TENM4: variants seen among roughly 807,000 people sequenced by gnomAD.
TENM4 encodes teneurin-4.
In TENM4, 82 loss-of-function variants were observed where a neutral mutation model predicts 243.3. The observed-to-expected ratio is 0.34, with a 90% confidence interval of 0.28 to 0.40. The LOEUF is 0.40. Among genes scored for constraint, TENM4 ranks in the 10% least tolerant of loss-of-function variants. The pLI, the probability that TENM4 is intolerant of heterozygous loss-of-function variation, is 1.00. For missense variants in TENM4, 3,138 were observed against 3,673.3 expected (o/e 0.85, Z 3.77); for synonymous variants, 1,412 against 1,456.3 (o/e 0.97, Z 0.69).
chr11:79,337,841 G>A (rs1359994346), intron 1 of TENM4, among the ~76,000 whole-genome samples: 2 of 152,190 alleles, frequency 1.3e-5, no homozygotes, highest in East Asian at 3.9e-4. Context: ...CAAGGACAGG[G>A]GCAAAGTGGG....
At chr11:78,970,281 C>A (rs559643722) in intron 6 of TENM4, among the ~76,000 whole-genome samples, 1 of 152,258 alleles carries the variant, frequency 6.6e-6, no homozygotes, top group East Asian at 1.9e-4. Flanking sequence ...TACTCAGAGT[C>A]TCAGCTCAGC....
At chr11:79,157,794 T>A (rs1309475443) in intron 3 of TENM4, among the ~76,000 whole-genome samples, 2 of 152,228 alleles carry the variant, frequency 1.3e-5, no homozygotes, top group African/African-American at 4.8e-5. Context: ...TGGTAAATTC[T>A]GTCTGTTGGT....
chr11:78,977,118 C>T lies in TENM4; in HGVS notation c.494-73595G>A, dbSNP rs142846422. Among the ~76,000 whole-genome samples the T allele has an allele frequency of 1.6e-3, 245 of 152,296 alleles. 1 individual carries two copies. Among genetic ancestry groups the T allele is most frequent in the Admixed American group, 0.015 (228 of 15,300 alleles). On this transcript the variant is annotated intron_variant, in intron 6 of 33. Transcript: ENST00000278550. ...GCCTCTTCCTAGCGCTAGTGGGTTGCTGTCATCTCTGGCATTCCCTGGCTT... is the reference window on the plus strand; with the variant it reads ...GCCTCTTCCTAGCGCTAGTGGGTTGTTGTCATCTCTGGCATTCCCTGGCTT...
chr11:79,042,923 C>T (rs180978867), intron 6 of TENM4, among the ~76,000 whole-genome samples: 1 of 152,246 alleles, frequency 6.6e-6, no homozygotes, highest in Admixed American at 6.5e-5. Context: ...AGTAGCTTTC[C>T]CTACCTACAG....
At chr11:78,887,324 C>T (rs564769952) in intron 9 of TENM4, among the ~76,000 whole-genome samples, 3 of 152,346 alleles carry the variant, frequency 2.0e-5, no homozygotes, top group African/African-American at 7.2e-5. Context: ...GCTCAAACAT[C>T]ACCTTTCCCA....
chr11:79,105,179 A>T (rs1272427342), intron 4 of TENM4, among the ~76,000 whole-genome samples: 1 of 152,208 alleles, frequency 6.6e-6, no homozygotes, highest in Admixed American at 6.5e-5. Flanking sequence ...CTCTCAACAT[A>T]TTTAATAGTT....
chr11:78,738,641 C>T (rs1036471836), intron 19 of TENM4, 71 bp from the exon 20 acceptor site: 29 of 1,526,766 alleles, frequency 1.9e-5, no homozygotes, highest in South Asian at 5.1e-5. Flanking sequence ...CAGGGAACCC[C>T]GAGAGGCCAG....
In TENM4 at chr11:79,275,118, C is replaced by T. The variant is rs566315433; in HGVS notation, c.-265+22370G>A. 3.3e-5 allele frequency among the ~76,000 whole-genome samples: 5 copies of T among 152,296 alleles called. No homozygotes were observed. The South Asian group carries it at 1.0e-3, about 32-fold the overall frequency. On this transcript the variant is annotated intron_variant, in intron 2 of 33. Coordinates refer to ENST00000278550, the MANE Select transcript of TENM4 (RefSeq NM_001098816.3). ...GACAGACTGAATAATCTCCTACATT[C>T]CTTCCAGCCCTAACATTCCCTGACT...
At chr11:78,919,202 CTTAT>C (rs1199984656) in intron 6 of TENM4, among the ~76,000 whole-genome samples, 1 of 152,136 alleles carries the variant, frequency 6.6e-6, no homozygotes, top group African/African-American at 2.4e-5. Flanking sequence ...CATGCATGAA[CTTAT>C]TTTATTCTAA....
chr11:78,980,739 G>A (rs1274425766), intron 6 of TENM4, among the ~76,000 whole-genome samples: 1 of 152,170 alleles, frequency 6.6e-6, no homozygotes, highest in Non-Finnish European at 1.5e-5. Context: ...TTATAGAAAA[G>A]GGATAATAGT....
At chr11:78,918,724 G>A (rs1172725114) in intron 6 of TENM4, among the ~76,000 whole-genome samples, 1 of 152,106 alleles carries the variant, frequency 6.6e-6, no homozygotes, top group African/African-American at 2.4e-5. Context: ...GGATTCGGAG[G>A]CACATCCCCA....
At chr11:78,890,099 G>T in intron 8 of TENM4, 79 bp from the exon 9 acceptor site, 2 of 1,181,696 alleles carry the variant, frequency 1.7e-6, no homozygotes, top group Non-Finnish European at 2.3e-6. Flanking sequence ...GGCCAGAGGC[G>T]GCAGTAGAAG....
At chr11:78,779,016 G>T (rs114922531) in intron 16 of TENM4, among the ~76,000 whole-genome samples, 2,623 of 152,348 alleles carry the variant, frequency 0.017, 86 homozygotes, top group African/African-American at 0.061. Flanking sequence ...ACTACTCAGA[G>T]CAGCATCCAA....
At position 78,967,290 on chromosome 11, in the gene TENM4, C is replaced by T. The variant is rs76473302; in HGVS notation, c.494-63767G>A. Among the ~76,000 whole-genome samples the T allele has an allele frequency of 9.7e-3, 1,480 of 152,002 alleles. 11 individuals carry two copies. Among genetic ancestry groups the T allele is most frequent in the Non-Finnish European group, 0.017 (1,140 of 68,006 alleles). ...CTAGTGCAGTGTCTTGCACATAGAA[C>T]GCAGTAGTAAATATTTGTTAGGTGA... On this transcript the variant is annotated intron_variant, in intron 6 of 33. Transcript: ENST00000278550.
At chr11:78,978,077 C>T (rs540279838) in intron 6 of TENM4, among the ~76,000 whole-genome samples, 141 of 152,202 alleles carry the variant, frequency 9.3e-4, no homozygotes, top group South Asian at 2.7e-3. Context: ...AGCTGGAAAT[C>T]GTCTTTCTCA....
At chr11:79,296,397 G>A (rs1856454669) in intron 2 of TENM4, among the ~76,000 whole-genome samples, 2 of 152,332 alleles carry the variant, frequency 1.3e-5, no homozygotes, top group South Asian at 4.1e-4. Context: ...ACTTGGTAGA[G>A]CCAGCCCTGG....
intron 6 of TENM4, among the ~76,000 whole-genome samples, chr11:78,942,603 A>T (rs1276667378): frequency 6.6e-6 from 1 of 151,962 alleles, no homozygotes; most frequent in Non-Finnish European, 1.5e-5. Context: ...CCGACCTCCC[A>T]CTCCTCTGAG....
At chr11:79,357,427 C>T (rs1468377774) in intron 1 of TENM4, among the ~76,000 whole-genome samples, 1 of 152,198 alleles carries the variant, frequency 6.6e-6, no homozygotes, top group African/African-American at 2.4e-5. Context: ...AATCCCTATC[C>T]AGTTTTCTAG....
chr11:79,282,246 G>A (rs1015578185), intron 2 of TENM4, among the ~76,000 whole-genome samples: 62 of 152,146 alleles, frequency 4.1e-4, no homozygotes, highest in Non-Finnish European at 1.0e-4. Flanking sequence ...ATCATGTTTG[G>A]TAGCAATTGT....
Sources: gnomAD v4.1 joint callset for allele counts (sites outside exome capture counted in the v4.1 genomes callset) on GRCh38, gnomAD v4.1.1 for gene constraint, MANE v1.5 for transcripts, NCBI Gene and HGNC (gene_info 2026-07-23, HGNC 2026-07-21) for gene names.